FSTL4: variants seen among roughly 807,000 people sequenced by gnomAD.
The protein encoded by FSTL4 is follistatin like 4.
A neutral mutation model predicts 78.2 loss-of-function variants in FSTL4; 28 were observed. The ratio of observed to expected loss-of-function variants is 0.36; its 90% CI spans 0.27 to 0.49. The LOEUF (loss-of-function observed/expected upper bound fraction) is 0.49, where lower values mean the gene tolerates loss of function less well. FSTL4 is among the 20% of genes least tolerant of loss of function. The pLI is 0.98. For missense variants in FSTL4, 922 were observed against 1,084.9 expected (o/e 0.85, Z 2.11); for synonymous variants, 422 against 440.5 (o/e 0.96, Z 0.53).
intron 13 of FSTL4, among the ~76,000 whole-genome samples, chr5:133,214,515 G>A (rs6871171): frequency 0.064 from 9,700 of 152,146 alleles, 1,002 homozygotes; most frequent in African/African-American, 0.21. Flanking sequence ...TTCTTAAGTG[G>A]GCCCTCATTG....
chr5:133,555,867 C>T (rs1256661501), intron 3 of FSTL4, among the ~76,000 whole-genome samples: 2 of 152,056 alleles, frequency 1.3e-5, no homozygotes, highest in African/African-American at 4.8e-5. Context: ...GGGAATGTTG[C>T]TTCCAGCAAA....
the FSTL4 span, among the ~76,000 whole-genome samples, chr5:133,772,263 T>C: frequency 1.3e-5 from 2 of 152,236 alleles, no homozygotes; most frequent in South Asian, 2.1e-4. Flanking sequence ...ATGTTATTTG[T>C]GGCAAAGTGT....
intron 3 of FSTL4, among the ~76,000 whole-genome samples, chr5:133,510,809 G>A (rs1758715454): frequency 6.6e-6 from 1 of 152,044 alleles, no homozygotes; most frequent in African/African-American, 2.4e-5. Flanking sequence ...AAATGGATCT[G>A]AGCGCAAGGC....
At chr5:133,772,295 C>T in the FSTL4 span, among the ~76,000 whole-genome samples, 1 of 152,128 alleles carries the variant, frequency 6.6e-6, no homozygotes, top group Non-Finnish European at 1.5e-5. Context: ...AGCATGAGGC[C>T]ATCTCTCTTA....
intron 1 of FSTL4, among the ~76,000 whole-genome samples, chr5:133,610,322 A>C (rs1193885913): frequency 1.3e-5 from 2 of 152,222 alleles, no homozygotes; most frequent in African/African-American, 4.8e-5. Flanking sequence ...TGATCATAAA[A>C]GTCTAAGAGA....
chr5:133,312,432 T>C (rs1753807312), intron 6 of FSTL4: 1 of 565,842 alleles, frequency 1.8e-6, no homozygotes, highest in Non-Finnish European at 3.1e-6. Flanking sequence ...GCGAGAAAAA[T>C]CTTTATTAAA....
chr5:133,798,205 C>T, the FSTL4 span, among the ~76,000 whole-genome samples: 1 of 152,202 alleles, frequency 6.6e-6, no homozygotes, highest in Non-Finnish European at 1.5e-5. Flanking sequence ...GTTTCTTCCC[C>T]TCAGGCCAAA....
chr5:133,293,168 G>A (rs1753308610), intron 6 of FSTL4, among the ~76,000 whole-genome samples: 1 of 152,190 alleles, frequency 6.6e-6, no homozygotes. Flanking sequence ...GGCCATCTTG[G>A]CCCTGTGGCG....
At chr5:133,519,276 C>G (rs1473892343) in intron 3 of FSTL4, among the ~76,000 whole-genome samples, 2 of 152,236 alleles carry the variant, frequency 1.3e-5, no homozygotes, top group Non-Finnish European at 2.9e-5. Context: ...CTTCTATAAG[C>G]TGGAATGCGC....
chr5:133,716,058 G>A, the FSTL4 span, among the ~76,000 whole-genome samples: 2 of 152,174 alleles, frequency 1.3e-5, no homozygotes, highest in Admixed American at 6.5e-5. Flanking sequence ...TGTGGTCATC[G>A]ATAAGCAAGT....
At chr5:133,419,586 A>C (rs1337747736) in intron 3 of FSTL4, among the ~76,000 whole-genome samples, 1 of 152,238 alleles carries the variant, frequency 6.6e-6, no homozygotes, top group African/African-American at 2.4e-5. Context: ...ATATGCTTTA[A>C]TTTCTTTTGG....
the FSTL4 span, among the ~76,000 whole-genome samples, chr5:133,798,658 C>T: frequency 3.9e-5 from 6 of 152,160 alleles, no homozygotes; most frequent in Admixed American, 6.5e-5. Context: ...GACAACCTCA[C>T]GACATCCTGC....
chr5:133,541,894 C>A (rs1759479806), intron 3 of FSTL4, among the ~76,000 whole-genome samples: 2 of 145,952 alleles, frequency 1.4e-5, no homozygotes, highest in African/African-American at 5.0e-5. Context: ...TGCTTCTGTG[C>A]CTTCTCAGCA....
intron 3 of FSTL4, among the ~76,000 whole-genome samples, chr5:133,495,242 G>T (rs1284232892): frequency 6.6e-6 from 1 of 152,148 alleles, no homozygotes; most frequent in African/African-American, 2.4e-5. Context: ...GCCTCTGCGG[G>T]GAAGGGCTGG....
At chr5:133,511,977 T>C (rs1186016118) in intron 3 of FSTL4, among the ~76,000 whole-genome samples, 1 of 152,164 alleles carries the variant, frequency 6.6e-6, no homozygotes, top group African/African-American at 2.4e-5. Context: ...TCCAGTTTCA[T>C]GGCTCCACCA....
At chr5:133,815,772 C>CA in the FSTL4 span, among the ~76,000 whole-genome samples, 1 of 152,168 alleles carries the variant, frequency 6.6e-6, no homozygotes, top group African/African-American at 2.4e-5. Context: ...CCCTTATCCA[C>CA]AGGCGGGAAA....
rs945529614 is a variant in FSTL4, at chr5:133,361,336, G to A, written c.409+39402C>T. On this transcript the variant is annotated intron_variant, in intron 4 of 15. Transcript: ENST00000265342. This position sits in a 1 kb window ranked among gnomAD's most constrained non-coding sequence, Gnocchi z 4.3. Reference sequence around the variant, plus strand: ...TTTGTATGTTATCTTGAGATTTCGCGGTTGACTGCGATAATCCTTTATAGT... The same window carrying A: ...TTTGTATGTTATCTTGAGATTTCGCAGTTGACTGCGATAATCCTTTATAGT... 1.2e-4 allele frequency among the ~76,000 whole-genome samples: 18 copies of A among 152,164 alleles called. No individual in the cohort carries two copies. The highest frequency in any genetic ancestry group is 2.4e-4 in the Non-Finnish European group (16 of 68,030).
chr5:133,508,470 C>T (rs183806130), intron 3 of FSTL4, among the ~76,000 whole-genome samples: 1 of 152,246 alleles, frequency 6.6e-6, no homozygotes, highest in African/African-American at 2.4e-5. Context: ...GCCACAAACA[C>T]GTGAATAAGG....
the FSTL4 span, among the ~76,000 whole-genome samples, chr5:133,708,436 A>G: frequency 2.3e-4 from 35 of 152,014 alleles, no homozygotes; most frequent in Non-Finnish European, 3.5e-4. Flanking sequence ...GACCTTCACT[A>G]TGTGACCTGA....
Sources: gnomAD v4.1 joint callset for allele counts (sites outside exome capture counted in the v4.1 genomes callset) on GRCh38, gnomAD v4.1.1 for gene constraint, Gnocchi (gnomAD v3.1) non-coding constraint, MANE v1.5 for transcripts, NCBI Gene and HGNC (gene_info 2026-07-23, HGNC 2026-07-21) for gene names.